The following USP43 variants were observed in gnomAD, a reference collection of about 807,000 sequenced individuals.
The protein encoded by USP43 is ubiquitin carboxyl-terminal hydrolase 43.
USP43 carries 33 observed loss-of-function variants against 90.7 expected under a neutral mutation model. The ratio of observed to expected loss-of-function variants is 0.36; its 90% CI spans 0.28 to 0.49. The LOEUF (loss-of-function observed/expected upper bound fraction) is 0.49, where lower values mean the gene tolerates loss of function less well. USP43 is among the 20% of genes least tolerant of loss of function. USP43 has a pLI of 0.98. For synonymous variants in USP43, 598 were observed against 615.8 expected, an observed-to-expected ratio of 0.97 and a Z score of 0.43; for missense variants, 1,274 against 1,476.4, an observed-to-expected ratio of 0.86 and a Z score of 2.25.
intron 1 of USP43, among the ~76,000 whole-genome samples, chr17:9,653,358 C>A (rs1357624916): frequency 8.3e-6 from 1 of 119,956 alleles, no homozygotes; most frequent in Non-Finnish European, 1.9e-5. Context: ...GAGGCCGAGG[C>A]GGGTGGATCA....
At chr17:9,675,602 T>C (rs1913717249) in intron 4 of USP43, among the ~76,000 whole-genome samples, 1 of 152,084 alleles carries the variant, frequency 6.6e-6, no homozygotes, top group Admixed American at 6.5e-5. Flanking sequence ...AAGAGAGGTA[T>C]TTCCTCTTTA....
rs1191460041 is a variant in USP43 at position 9,656,954 on chromosome 17, G to A, written c.636+420G>A. 4.6e-5 allele frequency among the ~76,000 whole-genome samples: 7 copies of A among 152,040 alleles called. No individual in the cohort carries two copies. The South Asian group carries it at 1.5e-3, about 32-fold the overall frequency. ...CCAACTGTTAAACTTTTCCTCTCAC[G>A]ACACAGGATGGATGATTTTTACACA... On this transcript the variant is annotated intron_variant, in intron 2 of 14. Coordinates refer to ENST00000285199, the MANE Select transcript of USP43 (RefSeq NM_153210.5).
At chr17:9,657,072 T>TA (rs1261953098) in intron 2 of USP43, among the ~76,000 whole-genome samples, 6 of 152,234 alleles carry the variant, frequency 3.9e-5, no homozygotes, top group African/African-American at 1.4e-4. Flanking sequence ...AGCTAATTGA[T>TA]ACATCAGGCG....
rs9907446 is a variant in USP43, at chr17:9,657,228, C to T, written c.636+694C>T. On this transcript the variant is annotated intron_variant, in intron 2 of 14. Coordinates refer to ENST00000285199, the MANE Select transcript of USP43 (RefSeq NM_153210.5). ...ACTGCTATAAAGAAATACCTGAGGC[C>T]GGGCGCGGTGACTCACGCCTGTAAT... Among the ~76,000 whole-genome samples the T allele has an allele frequency of 3.7e-3, 570 of 152,228 alleles. 4 individuals are homozygous for T. The highest frequency in any genetic ancestry group is 0.013 in the African/African-American group (545 of 41,516).
chr17:9,655,863 A>G (rs903338488), intron 1 of USP43, among the ~76,000 whole-genome samples: 2 of 152,188 alleles, frequency 1.3e-5, no homozygotes, highest in East Asian at 3.9e-4. Context: ...TAGAGGAGCT[A>G]CATGCATGGT....
chr17:9,685,964 A>C (rs1379099960), intron 7 of USP43, among the ~76,000 whole-genome samples: 7 of 152,112 alleles, frequency 4.6e-5, no homozygotes, highest in African/African-American at 1.4e-4. Context: ...CCTAGCCCCC[A>C]CTGGCGCCTC....
intron 3 of USP43, among the ~76,000 whole-genome samples, chr17:9,673,209 A>C (rs1013170466): frequency 6.6e-6 from 1 of 152,218 alleles, no homozygotes; most frequent in African/African-American, 2.4e-5. Flanking sequence ...CATGTGGAAT[A>C]TAAAAGTTGC....
rs764476284 is a variant in USP43 at position 9,728,397 on chromosome 17, A to G, written c.2779A>G (p.Arg927Gly). ...ENAGQDIKLP[R>G]KFDLPLTVMP... ...TGCAGGGCAGGACATCAAGCTTCCC[A>G]GAAAGTTTGACCTGCCTCTCACTGT... Residue 927 changes from arginine (R) to glycine (G), a missense_variant, in exon 15 of 15, where the codon AGA becomes GGA. Coordinates refer to ENST00000285199, the MANE Select transcript of USP43 (RefSeq NM_153210.5). The surrounding 1 kb of genome is among the most constrained non-coding windows in gnomAD (Gnocchi z 6.2). 7 of 1,608,520 alleles carry G rather than the reference A, an allele frequency of 4.4e-6. No individual in the cohort carries two copies. The highest frequency in any genetic ancestry group is 5.9e-6 in the Non-Finnish European group (7 of 1,177,546).
At chr17:9,660,065 C>G (rs1186905686) in intron 2 of USP43, among the ~76,000 whole-genome samples, 1 of 152,214 alleles carries the variant, frequency 6.6e-6, no homozygotes, top group Non-Finnish European at 1.5e-5. Flanking sequence ...AGCTACTGCT[C>G]TAGAACCTTT....
At chr17:9,694,196 C>T (rs1434385238) in intron 9 of USP43, among the ~76,000 whole-genome samples, 3 of 152,216 alleles carry the variant, frequency 2.0e-5, no homozygotes, top group Non-Finnish European at 2.9e-5. Context: ...CAGCCAAATT[C>T]AACCTGACTG....
rs1913651049 is a variant in USP43, at chr17:9,674,708, G to A, written c.741-183G>A. Among the ~76,000 whole-genome samples the A allele has an allele frequency of 6.6e-6, 1 of 152,100 alleles. No individual in the cohort carries two copies. Among genetic ancestry groups the A allele is most frequent in the Non-Finnish European group, 1.5e-5 (1 of 68,022 alleles). On this transcript the variant is annotated intron_variant, in intron 3 of 14. Coordinates refer to ENST00000285199, the MANE Select transcript of USP43 (RefSeq NM_153210.5). This position sits in a 1 kb window ranked among gnomAD's most constrained non-coding sequence, Gnocchi z 4.4. Reference sequence around the variant, plus strand: ...TTGGGTTGTTCCCACCTTAACTATTGTGAATAGAGCAGCTATGAACACTTG... The same window carrying A: ...TTGGGTTGTTCCCACCTTAACTATTATGAATAGAGCAGCTATGAACACTTG...
chr17:9,690,633 C>T (rs987022677), intron 8 of USP43, among the ~76,000 whole-genome samples: 1 of 152,146 alleles, frequency 6.6e-6, no homozygotes, highest in African/African-American at 2.4e-5. Context: ...GCCTGTACTC[C>T]CAGCACTTTG....
intron 1 of USP43, among the ~76,000 whole-genome samples, chr17:9,647,337 T>C (rs1474437669): frequency 6.6e-6 from 1 of 152,144 alleles, no homozygotes; most frequent in African/African-American, 2.4e-5. Flanking sequence ...GTCAAATGGT[T>C]GTCACTAAAT....
chr17:9,686,944 T>C lies in USP43; in HGVS notation c.1353+35T>C. ...GTGCATGCGTGTGTGTGTGTGTGCGTGCATGCGCATGTGCATGCGTGTGTG... is the reference window on the plus strand; with the variant it reads ...GTGCATGCGTGTGTGTGTGTGTGCGCGCATGCGCATGTGCATGCGTGTGTG... On this transcript the variant is annotated intron_variant, in intron 8 of 14. Coordinates refer to ENST00000285199, the MANE Select transcript of USP43 (RefSeq NM_153210.5). This position sits in a 1 kb window ranked among gnomAD's most constrained non-coding sequence, Gnocchi z 5.5. 1 of 1,544,450 alleles carries C rather than the reference T, an allele frequency of 6.5e-7. No homozygotes were observed. Among genetic ancestry groups the C allele is most frequent in the Non-Finnish European group, 8.9e-7 (1 of 1,123,074 alleles).
At chr17:9,682,305 C>T (rs376863806) in intron 6 of USP43, among the ~76,000 whole-genome samples, 9 of 152,158 alleles carry the variant, frequency 5.9e-5, no homozygotes, top group African/African-American at 1.2e-4. Flanking sequence ...CAGTGGCTCA[C>T]GCCTGAAATC....
chr17:9,651,065 C>T (rs1253145502), intron 1 of USP43, among the ~76,000 whole-genome samples: 3 of 152,156 alleles, frequency 2.0e-5, no homozygotes, highest in Admixed American at 6.5e-5. Flanking sequence ...ATCTTCTAAA[C>T]TTGCAAAAAT....
chr17:9,720,365 C>CTT (rs375103424), intron 14 of USP43, among the ~76,000 whole-genome samples: 303 of 134,152 alleles, frequency 2.3e-3, no homozygotes, highest in African/African-American at 8.0e-3. Flanking sequence ...AAAAATCCAG[C>CTT]TTTTTTTTTT....
At position 9,645,705 on chromosome 17, in the gene USP43, C is replaced by T; in HGVS notation, c.73C>T (p.Arg25Cys). The change falls in exon 1 of 15, where the codon CGC becomes TGC. Residue 25 changes from arginine (R) to cysteine (C), a missense_variant. Transcript: ENST00000285199. This position sits in a 1 kb window ranked among gnomAD's most constrained non-coding sequence, Gnocchi z 6.8. ...APRPRRRRSL[R>C]RLFSRFLLAL... ...CCGGCCCCGCCGCCGCCGCTCCCTG[C>T]GCCGCCTGTTCAGCCGCTTCCTGCT... 7.5e-7 allele frequency: 1 copy of T among 1,327,416 alleles called. No individual in the cohort carries two copies. The highest frequency in any genetic ancestry group is 9.6e-7 in the Non-Finnish European group (1 of 1,045,172). 82.2% of individuals were successfully genotyped at this position (1,327,416 alleles called of 1,614,324 possible).
intron 8 of USP43, 121 bp from the exon 9 acceptor site, chr17:9,693,006 A>C (rs1915049058): frequency 1.3e-6 from 1 of 774,084 alleles, no homozygotes; most frequent in Middle Eastern, 3.4e-4. Context: ...TATTACGGGA[A>C]TATTCAAAAT....
Sources: gnomAD v4.1 joint callset for allele counts (sites outside exome capture counted in the v4.1 genomes callset) on GRCh38, gnomAD v4.1.1 for gene constraint, Gnocchi (gnomAD v3.1) non-coding constraint, MANE v1.5 for transcripts, NCBI Gene and HGNC (gene_info 2026-07-23, HGNC 2026-07-21) for gene names.